Variants in EYA3 observed in about 807,000 individuals in gnomAD.
The protein encoded by EYA3 is protein phosphatase EYA3.
A neutral mutation model predicts 80.0 loss-of-function variants in EYA3; 39 were observed. That is an observed-to-expected ratio of 0.49 (90% CI 0.38 to 0.64). The LOEUF is 0.64. EYA3 is among the 30% of genes least tolerant of loss of function. The pLI is 0.00. For synonymous variants in EYA3, 206 were observed against 232.8 expected, an observed-to-expected ratio of 0.88 and a Z score of 1.05; for missense variants, 523 against 676.1, an observed-to-expected ratio of 0.77 and a Z score of 2.51.
intron 7 of EYA3, among the ~76,000 whole-genome samples, chr1:28,019,780 C>T (rs1319595650): frequency 3.3e-5 from 5 of 152,140 alleles, no homozygotes; most frequent in African/African-American, 1.2e-4. Flanking sequence ...CGGCTCACTG[C>T]AACCTCCGCC....
At chr1:28,043,019 A>G (rs1643870578) in intron 3 of EYA3, among the ~76,000 whole-genome samples, 1 of 151,814 alleles carries the variant, frequency 6.6e-6, no homozygotes, top group Non-Finnish European at 1.5e-5. Flanking sequence ...TAATTTTTGT[A>G]TTTTTAGTAG....
At chr1:27,990,569 T>TTC (rs35866809) in intron 14 of EYA3, 1 of 151,650 alleles carries the variant, frequency 6.6e-6, no homozygotes, top group South Asian at 2.1e-4. Context: ...TTTTTTTTTT[T>TTC]CTGAGATGGA....
At chr1:28,011,522 C>G (rs1469167174) in intron 9 of EYA3, among the ~76,000 whole-genome samples, 1 of 152,108 alleles carries the variant, frequency 6.6e-6, no homozygotes, top group African/African-American at 2.4e-5. Flanking sequence ...GAAGCACCGC[C>G]CCACCTAGTG....
intron 6 of EYA3, among the ~76,000 whole-genome samples, chr1:28,030,365 T>C (rs1290605379): frequency 6.6e-6 from 1 of 152,190 alleles, no homozygotes; most frequent in Non-Finnish European, 1.5e-5. Flanking sequence ...CAATCATAGC[T>C]CACTGCAGCC....
intron 8 of EYA3, among the ~76,000 whole-genome samples, chr1:28,014,245 T>C (rs1329682333): frequency 6.8e-6 from 1 of 145,988 alleles, no homozygotes; most frequent in East Asian, 2.0e-4. Context: ...AGTGAGACCT[T>C]CTCTCTACTA....
chr1:28,044,892 C>T (rs949812741), intron 3 of EYA3, among the ~76,000 whole-genome samples: 1 of 152,068 alleles, frequency 6.6e-6, no homozygotes, highest in Non-Finnish European at 1.5e-5. Context: ...CTACCTCATC[C>T]TCCGAAGTAG....
intron 1 of EYA3, among the ~76,000 whole-genome samples, chr1:28,064,913 G>A (rs1343278885): frequency 1.3e-5 from 2 of 152,186 alleles, no homozygotes; most frequent in Non-Finnish European, 2.9e-5. Context: ...ATTTGTCCAA[G>A]AGTAACAGCA....
In EYA3 at chr1:27,993,404, C is replaced by T. The variant is rs1352333629; in HGVS notation, c.1299G>A (p.Val433=). The change falls in exon 14 of 18, where the codon GTG becomes GTA. Residue 433 remains valine, a synonymous_variant. Coordinates refer to ENST00000373871, the MANE Select transcript of EYA3 (RefSeq NM_001990.4). ...CTGGTTATATGCCACACTTACCACC[C>T]ACGTTGCTTTTATGCTTATCATAGA... ...REIYDKHKSN[V]GGLLSPQRKE... is the part of the protein sequence containing the mutation. 1.9e-6 allele frequency: 3 copies of T among 1,612,776 alleles called. No individual in the cohort carries two copies. In the South Asian group the frequency reaches 3.3e-5, roughly 18 times the overall value.
chr1:28,073,127 A>ATATATATATATAT (rs1553157671), intron 1 of EYA3, among the ~76,000 whole-genome samples: 4 of 14,996 alleles, frequency 2.7e-4, no homozygotes, highest in Admixed American at 7.2e-4. Context: ...ATATATATAT[A>ATATATATATATAT]TTTTTTTTTT....
intron 6 of EYA3, among the ~76,000 whole-genome samples, chr1:28,030,383 C>G (rs1383718769): frequency 6.6e-6 from 1 of 152,196 alleles, no homozygotes; most frequent in African/African-American, 2.4e-5. Flanking sequence ...GCCTCAACCT[C>G]CTGGGATCAA....
intron 4 of EYA3, among the ~76,000 whole-genome samples, chr1:28,040,969 A>G (rs926616974): frequency 2.6e-5 from 4 of 152,254 alleles, no homozygotes; most frequent in Non-Finnish European, 4.4e-5. Context: ...CAAGAAAACT[A>G]TAGTACCAAA....
chr1:27,999,534 G>A (rs532201539), intron 12 of EYA3, among the ~76,000 whole-genome samples: 44 of 152,192 alleles, frequency 2.9e-4, no homozygotes, highest in African/African-American at 9.9e-4. Context: ...TTATAGATTC[G>A]ACAAATCAGG....
chr1:28,084,657 G>A (rs2776779), intron 1 of EYA3, among the ~76,000 whole-genome samples: 23,425 of 127,454 alleles, frequency 0.18, 2,677 homozygotes, highest in Middle Eastern at 0.27. Flanking sequence ...CGCCTAGGGT[G>A]GAGTGCAGTA....
Position 27,974,330 on chromosome 1 carries a change from A to AGG in EYA3, c.*135_*136insCC. ...GGGAGGGAGGGAGAGAGGGAGAGAG[A>AGG]GAAAGAGAGAAAGAGAGAGAGATAG... On this transcript the variant is annotated 3_prime_UTR_variant, in exon 18 of 18. Transcript: ENST00000373871. The AGG allele has an allele frequency of 1.9e-6, 1 of 537,358 alleles. No individual in the cohort carries two copies. Among genetic ancestry groups the AGG allele is most frequent in the Non-Finnish European group, 3.3e-6 (1 of 301,998 alleles). 33.3% of individuals were successfully genotyped at this position (537,358 alleles called of 1,614,324 possible). A position where few individuals can be genotyped will look rare whatever the true frequency, so the allele number is the denominator to read the frequency against.
At chr1:28,010,182 A>G (rs1464328414) in intron 10 of EYA3, among the ~76,000 whole-genome samples, 1 of 152,198 alleles carries the variant, frequency 6.6e-6, no homozygotes, top group Admixed American at 6.5e-5. Flanking sequence ...AACGGAAAAC[A>G]GAAAACAAAA....
chr1:28,030,173 C>T (rs544764761), intron 6 of EYA3, among the ~76,000 whole-genome samples: 3 of 152,338 alleles, frequency 2.0e-5, no homozygotes, highest in African/African-American at 7.2e-5. Flanking sequence ...ACCTCTGCTT[C>T]ACCAGGGCAC....
chr1:28,023,331 A>G (rs1430121628), intron 7 of EYA3, among the ~76,000 whole-genome samples: 1 of 152,222 alleles, frequency 6.6e-6, no homozygotes, highest in East Asian at 1.9e-4. Flanking sequence ...TCTACCCTAA[A>G]GAAGGGGCAG....
chr1:27,986,045 A>G (rs963980312), intron 16 of EYA3, among the ~76,000 whole-genome samples: 1 of 152,098 alleles, frequency 6.6e-6, no homozygotes, highest in Non-Finnish European at 1.5e-5. Flanking sequence ...TAAAATATGC[A>G]TAACATGAAA....
chr1:28,052,726 G>A (rs947476197), intron 2 of EYA3, among the ~76,000 whole-genome samples: 7 of 151,666 alleles, frequency 4.6e-5, no homozygotes, highest in Non-Finnish European at 5.9e-5. Flanking sequence ...GGTGGATCAC[G>A]AGGTCAGGAG....
Sources: allele counts gnomAD v4.1 joint callset (sites outside exome capture counted in the v4.1 genomes callset), GRCh38; gene constraint gnomAD v4.1.1; transcripts MANE v1.5; gene names NCBI Gene and HGNC (gene_info 2026-07-23, HGNC 2026-07-21).